FGF13: variants seen among roughly 807,000 people sequenced by gnomAD.
FGF13 encodes fibroblast growth factor 13.
FGF13 carries 2 observed loss-of-function variants against 19.5 expected under a neutral mutation model. The observed-to-expected ratio is 0.10, with a 90% confidence interval of 0.04 to 0.32. FGF13 has a LOEUF of 0.32. Among genes scored for constraint, FGF13 ranks in the 10% least tolerant of loss-of-function variants. The pLI, the probability that FGF13 is intolerant of heterozygous loss-of-function variation, is 1.00. For missense variants in FGF13, 113 were observed against 192.7 expected (o/e 0.59, Z 2.45); for synonymous variants, 72 against 76.9 (o/e 0.94, Z 0.33).
chrX:139,054,419 G>A (rs1378062663), intron 1 of FGF13, among the ~76,000 whole-genome samples: 3 of 111,155 alleles, frequency 2.7e-5, no homozygotes, highest in African/African-American at 9.8e-5. Context: ...CACCGCGCCC[G>A]GCTGGTCTAC....
chrX:139,046,761 C>T (rs980161220), intron 1 of FGF13, among the ~76,000 whole-genome samples: 1 of 111,463 alleles, frequency 9.0e-6, no homozygotes, highest in Non-Finnish European at 1.9e-5. Flanking sequence ...TATTTATTGG[C>T]ATACACCCTC....
intron 1 of FGF13, among the ~76,000 whole-genome samples, chrX:139,027,545 C>G (rs537039210): frequency 9.8e-5 from 11 of 112,084 alleles, no homozygotes; most frequent in African/African-American, 3.2e-4. Flanking sequence ...GAAGTTACCA[C>G]ATGGATTCAG....
At position 138,698,082 on chromosome X, in the gene FGF13, A is replaced by G. The variant is rs146698476; in HGVS notation, c.402+4902T>C. ...TGGACAAAAGTAAATATGTTATGAA[A>G]TAATGGCTAATTATGATTCTCTGTG... On this transcript the variant is annotated intron_variant, in intron 3 of 4. Coordinates refer to ENST00000315930, the MANE Select transcript of FGF13 (RefSeq NM_004114.5). Among the ~76,000 whole-genome samples, 91 of 110,677 alleles carry G rather than the reference A, an allele frequency of 8.2e-4. No individual in the cohort carries two copies. In the East Asian group the frequency reaches 0.011, roughly 13 times the overall value.
intron 1 of FGF13, among the ~76,000 whole-genome samples, chrX:139,201,009 T>C (rs896632729): frequency 8.9e-5 from 10 of 112,265 alleles, no homozygotes; most frequent in Non-Finnish European, 1.5e-4. Context: ...ACTCAAACTA[T>C]ATACACATCT....
chrX:138,645,084 T>C (rs1010678721), intron 3 of FGF13, among the ~76,000 whole-genome samples: 2 of 111,621 alleles, frequency 1.8e-5, no homozygotes, highest in African/African-American at 6.5e-5. Flanking sequence ...ATAGAAGAAT[T>C]AATTCTAATC....
At chrX:139,132,026 C>T (rs892358542) in intron 1 of FGF13, among the ~76,000 whole-genome samples, 3 of 112,180 alleles carry the variant, frequency 2.7e-5, no homozygotes, top group Non-Finnish European at 5.6e-5. Flanking sequence ...CATTCATCAT[C>T]TGATCTCCTG....
chrX:138,724,214 G>C (rs777095750), intron 1 of FGF13, among the ~76,000 whole-genome samples: 151 of 112,139 alleles, frequency 1.3e-3, no homozygotes, highest in African/African-American at 4.6e-3. Flanking sequence ...AATAGGGATT[G>C]TATAAAAATA....
At chrX:138,845,615 T>G (rs2091176038) in intron 3 of FGF13, among the ~76,000 whole-genome samples, 1 of 111,371 alleles carries the variant, frequency 9.0e-6, no homozygotes, top group Non-Finnish European at 1.9e-5. Context: ...TAAGCACCAG[T>G]AGCCATTCAC....
chrX:138,681,651 C>A (rs886645829), intron 3 of FGF13, among the ~76,000 whole-genome samples: 2 of 112,183 alleles, frequency 1.8e-5, no homozygotes, highest in African/African-American at 3.2e-5. Flanking sequence ...TTTGACATGC[C>A]CTTCCTGCTA....
intron 1 of FGF13, among the ~76,000 whole-genome samples, chrX:138,723,544 C>G (rs2090162893): frequency 9.0e-6 from 1 of 111,317 alleles, no homozygotes; most frequent in Admixed American, 9.6e-5. Flanking sequence ...ACTGCCATGA[C>G]TAATCTCACC....
intron 1 of FGF13, among the ~76,000 whole-genome samples, chrX:138,943,189 G>A (rs2091767049): frequency 8.9e-6 from 1 of 112,195 alleles, no homozygotes; most frequent in Non-Finnish European, 1.9e-5. Context: ...ACAGTGGGTG[G>A]GCCCCAGGGC....
rs145563581 is a variant in FGF13, at chrX:138,772,980, G to T, written c.218-64052C>A. On this transcript the variant is annotated intron_variant, in intron 3 of 6. Transcript: ENST00000436198. ...GAAGAATATTTCTGCACTATTGACC[G>T]AACTAACTGGTGTGTCAGTTTTTAA... 6.0e-4 allele frequency among the ~76,000 whole-genome samples: 65 copies of T among 108,715 alleles called. No homozygotes were observed. The East Asian group carries it at 0.012, about 19-fold the overall frequency. The allele number at this position is 108,715 out of a possible 115,157, so 94.4% of individuals were successfully genotyped here.
At chrX:139,131,382 G>GGTGTGTGTGTGTGTGT (rs10541863) in intron 1 of FGF13, among the ~76,000 whole-genome samples, 4 of 91,441 alleles carry the variant, frequency 4.4e-5, no homozygotes, top group African/African-American at 7.9e-5. Context: ...AATATAGAGG[G>GGTGTGTGTGTGTGTGT]GTGTGTGTGT....
chrX:138,987,947 A>G (rs2092000419), intron 1 of FGF13, among the ~76,000 whole-genome samples: 1 of 112,235 alleles, frequency 8.9e-6, no homozygotes, highest in Admixed American at 9.4e-5. Flanking sequence ...TTATCATTAC[A>G]ATAATAAAAA....
intron 1 of FGF13, among the ~76,000 whole-genome samples, chrX:139,084,251 G>A (rs183622631): frequency 2.7e-5 from 3 of 111,045 alleles, no homozygotes; most frequent in African/African-American, 9.8e-5. Context: ...AGGGAAAGGA[G>A]GGAGAAAATG....
intron 1 of FGF13, among the ~76,000 whole-genome samples, chrX:138,973,398 A>C (rs914223586): frequency 8.9e-5 from 10 of 112,151 alleles, no homozygotes; most frequent in Non-Finnish European, 1.9e-4. Context: ...TATTTTTAAA[A>C]CTTGCTTGGC....
chrX:139,114,222 C>CA (rs1216158169), intron 1 of FGF13, among the ~76,000 whole-genome samples: 2 of 111,574 alleles, frequency 1.8e-5, no homozygotes, highest in Non-Finnish European at 3.8e-5. Flanking sequence ...CTCCATTATG[C>CA]AAAAAAGAGA....
At chrX:138,971,265 T>A (rs2091914454) in intron 1 of FGF13, among the ~76,000 whole-genome samples, 1 of 112,167 alleles carries the variant, frequency 8.9e-6, no homozygotes, top group African/African-American at 3.2e-5. Flanking sequence ...GGGAACAGTA[T>A]CTACCTCAAA....
At chrX:139,047,121 T>C (rs1327059133) in intron 1 of FGF13, among the ~76,000 whole-genome samples, 3 of 112,275 alleles carry the variant, frequency 2.7e-5, no homozygotes, top group Admixed American at 9.4e-5. Flanking sequence ...CCAGAATCAA[T>C]AGACTGAATT....
Sources: gnomAD v4.1 joint callset for allele counts (sites outside exome capture counted in the v4.1 genomes callset) on GRCh38, gnomAD v4.1.1 for gene constraint, MANE v1.5 for transcripts, NCBI Gene and HGNC (gene_info 2026-07-23, HGNC 2026-07-21) for gene names.